TSC22D1: variants seen among roughly 807,000 people sequenced by gnomAD.
TSC22D1 encodes TSC22 domain family member 1.
A neutral mutation model predicts 74.2 loss-of-function variants in TSC22D1; 9 were observed. The observed-to-expected ratio is 0.12, with a 90% confidence interval of 0.07 to 0.21. The LOEUF is 0.21. TSC22D1 is among the 10% of genes least tolerant of loss of function. The pLI is 1.00. For synonymous variants in TSC22D1, 586 were observed against 492.5 expected, an observed-to-expected ratio of 1.19 and a Z score of -2.51; for missense variants, 1,427 against 1,304.7, an observed-to-expected ratio of 1.09 and a Z score of -1.44.
At chr13:44,533,212 A>G (rs9595145) in intron 1 of TSC22D1, among the ~76,000 whole-genome samples, 16,596 of 151,966 alleles carry the variant, frequency 0.11, 966 homozygotes, top group Non-Finnish European at 0.12. Flanking sequence ...TGTAATCCCA[A>G]TACTTTGGGA....
intron 1 of TSC22D1, among the ~76,000 whole-genome samples, chr13:44,531,955 AC>A (rs1204235945): frequency 6.6e-6 from 1 of 152,242 alleles, no homozygotes; most frequent in African/African-American, 2.4e-5. Flanking sequence ...TAATTATGTT[AC>A]TAAACTCAAG....
At chr13:44,464,721 T>A (rs1877173441) in intron 1 of TSC22D1, among the ~76,000 whole-genome samples, 1 of 152,214 alleles carries the variant, frequency 6.6e-6, no homozygotes, top group Admixed American at 6.5e-5. Flanking sequence ...GCAGGAAGAA[T>A]CTTTTCATTT....
rs151063623 is a variant in TSC22D1 at position 44,432,312 on chromosome 13, C to T, written c.*2314G>A. The T allele has an allele frequency of 8.5e-5, 13 of 152,212 alleles. No individual in the cohort carries two copies. Among genetic ancestry groups the T allele is most frequent in the African/African-American group, 2.4e-4 (10 of 41,536 alleles). 9.4% of individuals were successfully genotyped at this position (152,212 alleles called of 1,614,324 possible). ...GACATGAGATTTTTCAAATTTTCCACGATTACCACCTATGGTATTTTAAAG... is the reference window on the plus strand; with the variant it reads ...GACATGAGATTTTTCAAATTTTCCATGATTACCACCTATGGTATTTTAAAG... On this transcript the variant is annotated 3_prime_UTR_variant, in exon 3 of 3. Transcript: ENST00000458659.
At chr13:44,467,437 A>G (rs1343512529) in intron 1 of TSC22D1, among the ~76,000 whole-genome samples, 3 of 152,212 alleles carry the variant, frequency 2.0e-5, no homozygotes, top group Non-Finnish European at 4.4e-5. Context: ...ACAGCAAAAG[A>G]AATAACAGAG....
chr13:44,534,731 T>G (rs1226227090), intron 1 of TSC22D1, among the ~76,000 whole-genome samples: 6 of 152,204 alleles, frequency 3.9e-5, no homozygotes, highest in African/African-American at 9.6e-5. Context: ...ATTTACAGAA[T>G]TCCTTAATTT....
chr13:44,560,817 C>G (rs1443433754), intron 1 of TSC22D1, among the ~76,000 whole-genome samples: 1 of 152,214 alleles, frequency 6.6e-6, no homozygotes, highest in Non-Finnish European at 1.5e-5. Context: ...ATCTAACTTT[C>G]AACTAGCAAA....
chr13:44,550,439 A>G (rs1483052207), intron 1 of TSC22D1, among the ~76,000 whole-genome samples: 2 of 151,960 alleles, frequency 1.3e-5, no homozygotes, highest in African/African-American at 2.4e-5. Context: ...AAAATTAGCC[A>G]GGTGTGGTGG....
intron 1 of TSC22D1, among the ~76,000 whole-genome samples, chr13:44,442,844 G>C (rs1875306133): frequency 6.7e-6 from 1 of 148,622 alleles, no homozygotes; most frequent in African/African-American, 2.5e-5. Context: ...AGGAGGCAGA[G>C]GTTGGAGTGA....
chr13:44,574,107 A>G lies in TSC22D1; in HGVS notation c.1968T>C (p.Tyr656=), dbSNP rs1449840207. 1.9e-6 allele frequency: 3 copies of G among 1,614,036 alleles called. No homozygotes were observed. Among genetic ancestry groups the G allele is most frequent in the Middle Eastern group, 1.6e-4 (1 of 6,084 alleles). ...TTTGAAGAATTGGCTGCTGTTGTAC[A>G]TACTCTGAAGCAGGATTTTGAGTCA... ...KSVTQNPASE[Y]VQQQPILQTA... The change falls in exon 1 of 3, where the codon TAT becomes TAC. Residue 656 remains tyrosine, a synonymous_variant. Coordinates refer to ENST00000458659, the MANE Select transcript of TSC22D1 (RefSeq NM_183422.4).
At chr13:44,512,984 A>G (rs1346561185) in intron 1 of TSC22D1, among the ~76,000 whole-genome samples, 1 of 152,206 alleles carries the variant, frequency 6.6e-6, no homozygotes. Flanking sequence ...GTCCTAATTC[A>G]GGATCAGGTT....
chr13:44,500,095 G>GAAAAAAAAAAAA (rs751648270), intron 1 of TSC22D1, among the ~76,000 whole-genome samples: 1 of 68,734 alleles, frequency 1.5e-5, no homozygotes, highest in Non-Finnish European at 3.0e-5. Context: ...TCTCAAAAAA[G>GAAAAAAAAAAAA]AAAAAAAAAA....
intron 2 of TSC22D1, 103 bp downstream of exon 2, chr13:44,435,941 G>A (rs1874574072): frequency 3.4e-6 from 4 of 1,183,438 alleles, no homozygotes; most frequent in Admixed American, 3.9e-5. Flanking sequence ...CGCATCAAGA[G>A]CAATCATCAT....
intron 1 of TSC22D1, among the ~76,000 whole-genome samples, chr13:44,515,315 A>T (rs192070713): frequency 0.015 from 2,322 of 151,906 alleles, 46 homozygotes; most frequent in African/African-American, 0.052. Flanking sequence ...TTTTTTTTTT[A>T]AAAAGAATAA....
chr13:44,520,463 G>A (rs563762903), intron 1 of TSC22D1, among the ~76,000 whole-genome samples: 1 of 152,226 alleles, frequency 6.6e-6, no homozygotes, highest in South Asian at 2.1e-4. Flanking sequence ...GAGTAGGGGA[G>A]GAATGGAGAG....
chr13:44,440,676 G>A (rs1875126292), intron 1 of TSC22D1, among the ~76,000 whole-genome samples: 1 of 151,628 alleles, frequency 6.6e-6, no homozygotes, highest in South Asian at 2.1e-4. Context: ...TTTCTATTTT[G>A]GAGAGAGAAC....
At chr13:44,516,271 T>C in intron 1 of TSC22D1, 2 of 415,810 alleles carry the variant, frequency 4.8e-6, no homozygotes, top group South Asian at 4.0e-5. Context: ...AAATTGACGC[T>C]GAATGGTGAG....
intron 1 of TSC22D1, among the ~76,000 whole-genome samples, chr13:44,497,225 A>T (rs932348777): frequency 1.3e-5 from 2 of 152,208 alleles, no homozygotes; most frequent in Non-Finnish European, 2.9e-5. Context: ...CATATAAATA[A>T]AGTACTGATT....
chr13:44,437,900 A>G (rs756450236), intron 1 of TSC22D1, among the ~76,000 whole-genome samples: 8 of 152,204 alleles, frequency 5.3e-5, no homozygotes, highest in African/African-American at 1.2e-4. Flanking sequence ...TAAGCAGCCA[A>G]TAGATGCTGT....
intron 1 of TSC22D1, among the ~76,000 whole-genome samples, chr13:44,447,584 A>T (rs922122824): frequency 6.6e-6 from 1 of 152,124 alleles, no homozygotes; most frequent in Non-Finnish European, 1.5e-5. Flanking sequence ...GAGAATTTTA[A>T]AAGTCTTAAA....
Sources: gnomAD v4.1 joint callset for allele counts (sites outside exome capture counted in the v4.1 genomes callset) on GRCh38, gnomAD v4.1.1 for gene constraint, MANE v1.5 for transcripts, NCBI Gene and HGNC (gene_info 2026-07-23, HGNC 2026-07-21) for gene names.